VAV3: variants seen among roughly 807,000 people sequenced by gnomAD.
VAV3 encodes vav guanine nucleotide exchange factor 3.
A neutral mutation model predicts 131.2 loss-of-function variants in VAV3; 94 were observed. That is an observed-to-expected ratio of 0.72 (90% CI 0.61 to 0.85). VAV3 has a LOEUF of 0.85. VAV3 is among the 40% of genes least tolerant of loss of function. VAV3 has a pLI of 0.00. For missense variants in VAV3, 939 were observed against 1,002.7 expected, an observed-to-expected ratio of 0.94 and a Z score of 0.86; for synonymous variants, 349 against 342.0, an observed-to-expected ratio of 1.02 and a Z score of -0.22.
chr1:107,606,873 G>T (rs1332695502), intron 22 of VAV3, among the ~76,000 whole-genome samples: 2 of 73,578 alleles, frequency 2.7e-5, no homozygotes, highest in African/African-American at 5.4e-5. Context: ...TTTGTTGTTT[G>T]TTACTTAAGA....
intron 12 of VAV3, among the ~76,000 whole-genome samples, chr1:107,753,536 A>ATATG (rs1553201296): frequency 2.1e-4 from 20 of 94,910 alleles, no homozygotes; most frequent in Non-Finnish European, 3.2e-4. Flanking sequence ...ACGTATATAT[A>ATATG]TATATATATA....
At chr1:107,851,197 G>A (rs942522983) in intron 2 of VAV3, among the ~76,000 whole-genome samples, 12 of 148,982 alleles carry the variant, frequency 8.1e-5, no homozygotes, top group Non-Finnish European at 1.2e-4. Context: ...AAAAGAAGCC[G>A]GCCCTCATTC....
chr1:107,711,752 G>A lies in VAV3; in HGVS notation c.1503-6691C>T, dbSNP rs563219138. Among the ~76,000 whole-genome samples the A allele has an allele frequency of 1.2e-4, 18 of 152,040 alleles. No individual in the cohort carries two copies. The East Asian group carries it at 3.3e-3, about 28-fold the overall frequency. ...AGAGTCTTGCTCTGTCGCCCAGGCT[G>A]GAGTGCAGTGGTGCAACCTCTGCCT... On this transcript the variant is annotated intron_variant, in intron 15 of 26. Coordinates refer to ENST00000370056, the MANE Select transcript of VAV3 (RefSeq NM_006113.5).
intron 22 of VAV3, among the ~76,000 whole-genome samples, chr1:107,606,039 G>A (rs962341840): frequency 3.9e-5 from 6 of 152,036 alleles, no homozygotes. Context: ...GTAGTCCTGG[G>A]ACTTCTCTTT....
At chr1:107,788,486 T>G (rs143518938) in intron 2 of VAV3, among the ~76,000 whole-genome samples, 2 of 152,044 alleles carry the variant, frequency 1.3e-5, no homozygotes, top group Non-Finnish European at 2.9e-5. Flanking sequence ...AATTTACAGA[T>G]GCAATTTCAA....
chr1:107,844,695 G>A (rs992354059), intron 2 of VAV3, among the ~76,000 whole-genome samples: 3 of 152,122 alleles, frequency 2.0e-5, no homozygotes, highest in African/African-American at 7.2e-5. Flanking sequence ...CAGGAAGTTC[G>A]GACTGGGTGG....
chr1:107,669,186 T>C, intron 19 of VAV3: 2 of 1,126,332 alleles, frequency 1.8e-6, no homozygotes, highest in Non-Finnish European at 2.2e-6. Context: ...GCTATTCCAC[T>C]CTGCTCAAAG....
intron 6 of VAV3, 70 bp downstream of exon 6, chr1:107,770,566 A>C: frequency 9.9e-7 from 1 of 1,007,306 alleles, no homozygotes; most frequent in Non-Finnish European, 1.5e-6. Context: ...CTTCAGAAGA[A>C]ACAGTGAGTC....
chr1:107,850,113 C>T (rs557669994), intron 2 of VAV3, among the ~76,000 whole-genome samples: 7 of 152,190 alleles, frequency 4.6e-5, no homozygotes, highest in East Asian at 3.9e-4. Flanking sequence ...CACTTTTACA[C>T]CATTGGTGGG....
At chr1:107,754,905 T>G (rs557584041) in intron 12 of VAV3, among the ~76,000 whole-genome samples, 10 of 152,236 alleles carry the variant, frequency 6.6e-5, no homozygotes, top group African/African-American at 2.4e-4. Context: ...AACCAACTTA[T>G]CTAAACTAGG....
intron 1 of VAV3, among the ~76,000 whole-genome samples, chr1:107,954,338 T>A (rs2101361627): frequency 6.6e-6 from 1 of 152,254 alleles, no homozygotes; most frequent in Non-Finnish European, 1.5e-5. Flanking sequence ...AGACCAGCTG[T>A]CACAAGGCAC....
At chr1:107,872,917 T>C (rs901058412) in intron 2 of VAV3, among the ~76,000 whole-genome samples, 8 of 152,226 alleles carry the variant, frequency 5.3e-5, no homozygotes, top group African/African-American at 1.9e-4. Context: ...TGGCAGTTTT[T>C]ACTTAGAGTA....
chr1:107,779,524 G>T, intron 2 of VAV3, 32 bp from the exon 3 acceptor site: 9 of 1,527,214 alleles, frequency 5.9e-6, no homozygotes, highest in Non-Finnish European at 7.9e-6. Flanking sequence ...AATTAGATAT[G>T]TAGTTCAGAA....
At chr1:107,735,879 A>G (rs1286953246) in intron 15 of VAV3, among the ~76,000 whole-genome samples, 1 of 152,226 alleles carries the variant, frequency 6.6e-6, no homozygotes, top group Non-Finnish European at 1.5e-5. Context: ...CCTGATACCA[A>G]AGCCTGGCAG....
chr1:107,735,852 T>C (rs1662588549), intron 15 of VAV3, among the ~76,000 whole-genome samples: 1 of 152,250 alleles, frequency 6.6e-6, no homozygotes, highest in African/African-American at 2.4e-5. Context: ...TAACTCATTT[T>C]ATGAGGTCAG....
At chr1:107,630,868 AT>A (rs1215980421) in intron 20 of VAV3, among the ~76,000 whole-genome samples, 2 of 152,158 alleles carry the variant, frequency 1.3e-5, no homozygotes, top group Admixed American at 6.6e-5. Context: ...TTTGTTCAGA[AT>A]TTTTTTAAAA....
chr1:107,913,974 T>C (rs540810316), intron 1 of VAV3, among the ~76,000 whole-genome samples: 1 of 152,226 alleles, frequency 6.6e-6, no homozygotes, highest in South Asian at 2.1e-4. Context: ...TTTGTATTTT[T>C]AGTAGAGACG....
At position 107,749,466 on chromosome 1, in the gene VAV3, T is replaced by C. The variant is rs1663567790; in HGVS notation, c.1388A>G (p.Lys463Arg). The change falls in exon 14 of 27, where the codon AAA becomes AGA. Residue 463 changes from lysine (K) to arginine (R), a missense_variant. Physicochemically the swap from Lys to Arg is conservative, Grantham distance 26. Transcript: ENST00000370056. ...TATTAGTTTCCAAAAAGTCACCTTT[T>C]TGTTTTCTTTATCGGTTGTAGGATT... ...ANNPTTDKENKKWSYGFYLIH... is the reference protein window; with the variant it reads ...ANNPTTDKENRKWSYGFYLIH... The C allele has an allele frequency of 2.5e-6, 4 of 1,587,408 alleles. No homozygotes were observed. In the East Asian group the frequency reaches 9.0e-5, roughly 36 times the overall value.
At chr1:107,837,242 C>T (rs1340646370) in intron 2 of VAV3, among the ~76,000 whole-genome samples, 1 of 152,140 alleles carries the variant, frequency 6.6e-6, no homozygotes, top group African/African-American at 2.4e-5. Flanking sequence ...AGGCCTTATT[C>T]CTGGGATGCA....
Sources: gnomAD v4.1 joint callset for allele counts (sites outside exome capture counted in the v4.1 genomes callset) on GRCh38, gnomAD v4.1.1 for gene constraint, MANE v1.5 for transcripts, NCBI Gene and HGNC (gene_info 2026-07-23, HGNC 2026-07-21) for gene names.